GGACT: variants seen among roughly 807,000 people sequenced by gnomAD.
GGACT encodes gamma-glutamylamine cyclotransferase.
For synonymous variants in GGACT, 118 were observed against 115.3 expected, an observed-to-expected ratio of 1.02 and a Z score of -0.15; for missense variants, 241 against 233.2, an observed-to-expected ratio of 1.03 and a Z score of -0.22.
intron 2 of GGACT, among the ~76,000 whole-genome samples, chr13:100,576,638 G>C (rs866877319): frequency 1.3e-5 from 2 of 152,180 alleles, no homozygotes; most frequent in Non-Finnish European, 2.9e-5. Context: ...CAAAGTTGTC[G>C]TCGAAGTGAA....
intron 2 of GGACT, among the ~76,000 whole-genome samples, chr13:100,574,264 C>G (rs957263129): frequency 2.0e-5 from 3 of 152,138 alleles, no homozygotes; most frequent in Non-Finnish European, 4.4e-5. Context: ...ATAAGCTTAA[C>G]TGAATTAACA....
intron 2 of GGACT, among the ~76,000 whole-genome samples, chr13:100,566,728 T>C (rs974067011): frequency 6.6e-6 from 1 of 152,216 alleles, no homozygotes; most frequent in Non-Finnish European, 1.5e-5. Flanking sequence ...AACACAGTCA[T>C]GTCTGTTTCC....
chr13:100,549,256 T>A (rs1263041364), intron 2 of GGACT, among the ~76,000 whole-genome samples: 1 of 152,212 alleles, frequency 6.6e-6, no homozygotes, highest in Non-Finnish European at 1.5e-5. Flanking sequence ...GGAAGATCAC[T>A]TGAACCTGGG....
intron 2 of GGACT, among the ~76,000 whole-genome samples, chr13:100,559,804 G>A (rs2088743566): frequency 6.6e-6 from 1 of 152,182 alleles, no homozygotes; most frequent in Admixed American, 6.5e-5. Context: ...TGATAGGAAA[G>A]TCTTAAAAAA....
Position 100,545,388 on chromosome 13 carries a change from CCCTTCCTGACCT to C in GGACT, c.-10-12799_-10-12788del, listed in dbSNP as rs1267565029. On this transcript the variant is annotated intron_variant, in intron 2 of 2. Coordinates refer to ENST00000683975, the MANE Select transcript of GGACT (RefSeq NM_001195087.2). This position sits in a 1 kb window ranked among gnomAD's most constrained non-coding sequence, Gnocchi z 4.4. ...GGCAAGGGCAGCAGAGCCTTCACGT[CCCTTCCTGACCT>C]CCTTCCTGACCTCCACGTCCCAGGG... Among the ~76,000 whole-genome samples the C allele has an allele frequency of 6.6e-6, 1 of 152,188 alleles. No individual in the cohort carries two copies. The highest frequency in any genetic ancestry group is 2.1e-4 in the South Asian group (1 of 4,830).
chr13:100,587,539 G>A (rs1413700636), intron 1 of GGACT, among the ~76,000 whole-genome samples: 2 of 152,172 alleles, frequency 1.3e-5, no homozygotes, highest in African/African-American at 4.8e-5. Context: ...GGGAAAATAC[G>A]GGCAAACTGC....
At chr13:100,539,670 T>C in intron 2 of GGACT, 1 of 536,276 alleles carries the variant, frequency 1.9e-6, no homozygotes, top group Non-Finnish European at 3.2e-6. Context: ...TTTTCTTTCT[T>C]GGAGTGTCTT....
rs186415640 is a variant in GGACT at position 100,571,847 on chromosome 13, G to A, written c.-11+11978C>T. On this transcript the variant is annotated intron_variant, in intron 2 of 2. Coordinates refer to ENST00000683975, the MANE Select transcript of GGACT (RefSeq NM_001195087.2). ...ATAATTCTTACTCCCTCTGAGAGAA[G>A]GATAAATCACAGAACTACAAGGACT... Among the ~76,000 whole-genome samples the A allele has an allele frequency of 7.2e-5, 11 of 152,198 alleles. No individual in the cohort carries two copies. The East Asian group carries it at 2.1e-3, about 29-fold the overall frequency.
At chr13:100,587,421 T>G (rs1436158684) in intron 1 of GGACT, among the ~76,000 whole-genome samples, 1 of 152,234 alleles carries the variant, frequency 6.6e-6, no homozygotes, top group African/African-American at 2.4e-5. Context: ...TAATTTAACT[T>G]TGCAAACTCA....
chr13:100,579,320 G>A (rs1310111108), intron 2 of GGACT, among the ~76,000 whole-genome samples: 1 of 152,160 alleles, frequency 6.6e-6, no homozygotes, highest in Non-Finnish European at 1.5e-5. Context: ...GCTGTGGGGA[G>A]AGGAGGGCCT....
intron 2 of GGACT, among the ~76,000 whole-genome samples, chr13:100,569,643 GT>G (rs993619980): frequency 1.4e-4 from 22 of 152,238 alleles, no homozygotes; most frequent in African/African-American, 4.8e-4. Flanking sequence ...CACTGTCTTG[GT>G]GATTAACATT....
chr13:100,549,497 A>ATC (rs2088637966), intron 2 of GGACT, among the ~76,000 whole-genome samples: 1 of 152,206 alleles, frequency 6.6e-6, no homozygotes, highest in South Asian at 2.1e-4. Flanking sequence ...CAGGAGCTAA[A>ATC]AGGAACCCAA....
At chr13:100,553,584 G>A (rs755592072) in intron 2 of GGACT, among the ~76,000 whole-genome samples, 14 of 152,274 alleles carry the variant, frequency 9.2e-5, no homozygotes, top group East Asian at 1.9e-4. Flanking sequence ...GGTGGCTCAC[G>A]CCTGTAATCC....
intron 2 of GGACT, among the ~76,000 whole-genome samples, chr13:100,570,699 G>T (rs910232247): frequency 2.0e-5 from 3 of 151,938 alleles, no homozygotes; most frequent in African/African-American, 7.3e-5. Context: ...GCTTCCTGAG[G>T]CCTCATCATC....
rs1302686403 is a variant in GGACT at position 100,532,439 on chromosome 13, C to T, written c.153G>A (p.Pro51=). Residue 51 remains proline (P), a synonymous_variant, in exon 3 of 3, where the codon CCG becomes CCA. Transcript: ENST00000683975. ...CCGAGCCGGGCAGGTGCAGCAGCCA[C>T]GGGATGTTGTGCTCCCCCGCGATCA... is the stretch of plus-strand genomic sequence containing the variant. ...PLVIAGEHNI[P]WLLHLPGSGR... is the part of the protein sequence containing the mutation. 1 of 1,549,926 alleles carries T rather than the reference C, an allele frequency of 6.5e-7. No individual in the cohort carries two copies. The highest frequency in any genetic ancestry group is 1.7e-4 in the Middle Eastern group (1 of 5,992).
At chr13:100,555,506 C>T (rs1265222788) in intron 2 of GGACT, among the ~76,000 whole-genome samples, 2 of 151,654 alleles carry the variant, frequency 1.3e-5, no homozygotes, top group East Asian at 1.9e-4. Context: ...CTCCAGCCTG[C>T]GTGACAGAGT....
At position 100,531,439 on chromosome 13, in the gene GGACT, G is replaced by C. The variant is rs951481400; in HGVS notation, c.*691C>G. ...CCACTTGAAGTCCGGGCGCTCAGCT[G>C]TGTCTACCAGCAAGTGGGTGTTCAT... On this transcript the variant is annotated 3_prime_UTR_variant, in exon 3 of 3. Coordinates refer to ENST00000683975, the MANE Select transcript of GGACT (RefSeq NM_001195087.2). The C allele has an allele frequency of 2.0e-5, 3 of 152,224 alleles. No individual in the cohort carries two copies. The highest frequency in any genetic ancestry group is 7.2e-5 in the African/African-American group (3 of 41,460). The allele number at this position is 152,224 out of a possible 1,614,324, so 9.4% of individuals were successfully genotyped here.
chr13:100,549,451 C>T (rs995379451), intron 2 of GGACT, among the ~76,000 whole-genome samples: 2 of 152,276 alleles, frequency 1.3e-5, no homozygotes, highest in African/African-American at 4.8e-5. Context: ...CACTGCCAGG[C>T]AGGGCCCTAT....
At chr13:100,559,077 G>A (rs994141426) in intron 2 of GGACT, among the ~76,000 whole-genome samples, 1 of 152,100 alleles carries the variant, frequency 6.6e-6, no homozygotes, top group African/African-American at 2.4e-5. Flanking sequence ...AACCCACCAC[G>A]GTGATCCATT....
Sources: allele counts gnomAD v4.1 joint callset (sites outside exome capture counted in the v4.1 genomes callset), GRCh38; gene constraint gnomAD v4.1.1; non-coding constraint Gnocchi (gnomAD v3.1); transcripts MANE v1.5; gene names NCBI Gene and HGNC (gene_info 2026-07-23, HGNC 2026-07-21).